The following PTPRD variants were observed in gnomAD, a reference collection of about 807,000 sequenced individuals.
PTPRD encodes the protein protein tyrosine phosphatase receptor type D.
A neutral mutation model predicts 214.5 loss-of-function variants in PTPRD; 34 were observed. That is an observed-to-expected ratio of 0.16 (90% CI 0.12 to 0.21). The LOEUF is 0.21. Among genes scored for constraint, PTPRD ranks in the 10% least tolerant of loss-of-function variants. The pLI is 1.00. For synonymous variants in PTPRD, 1,128 were observed against 845.7 expected (o/e 1.33, Z -5.79); for missense variants, 2,545 against 2,398.7 (o/e 1.06, Z -1.27).
intron 6 of PTPRD, among the ~76,000 whole-genome samples, chr9:9,758,139 T>G (rs1449026442): frequency 9.5e-6 from 1 of 104,978 alleles, no homozygotes; most frequent in African/African-American, 4.6e-5. Context: ...ATCTCAAGAG[T>G]AAAAATGGCA....
chr9:8,605,436 A>G (rs757963641), intron 14 of PTPRD, among the ~76,000 whole-genome samples: 10 of 152,162 alleles, frequency 6.6e-5, no homozygotes, highest in Non-Finnish European at 1.2e-4. Context: ...TTTTGAGATG[A>G]CCTGAAACCA....
At chr9:8,379,157 C>T (rs34335262) in intron 37 of PTPRD, among the ~76,000 whole-genome samples, 200 of 152,134 alleles carry the variant, frequency 1.3e-3, no homozygotes, top group Admixed American at 2.5e-3. Context: ...TTTTTTAAAG[C>T]GGATATGTCT....
intron 7 of PTPRD, among the ~76,000 whole-genome samples, chr9:9,636,765 C>T (rs2095784651): frequency 6.6e-6 from 1 of 152,194 alleles, no homozygotes; most frequent in Admixed American, 6.5e-5. Context: ...AATTATTTAA[C>T]ATTGTGTCAG....
At chr9:8,418,826 A>C (rs1182402701) in intron 35 of PTPRD, among the ~76,000 whole-genome samples, 2 of 152,070 alleles carry the variant, frequency 1.3e-5, no homozygotes, top group African/African-American at 2.4e-5. Flanking sequence ...GAACCATTCA[A>C]GTTGTACAAC....
intron 8 of PTPRD, among the ~76,000 whole-genome samples, chr9:9,499,693 C>T (rs911368182): frequency 3.9e-5 from 6 of 151,958 alleles, no homozygotes; most frequent in Admixed American, 1.3e-4. Context: ...ACAGTTAGGA[C>T]CTACTTTATT....
rs1157256084 is a variant in PTPRD at position 9,138,168 on chromosome 9, T to C, written c.-143+45136A>G. The stretch of plus-strand genomic sequence containing the variant: ...TTTTTTTTTTCTTCTGGAAACACTG[T>C]ACCTAAAAACTTCCCAAAATGTGAC... On this transcript the variant is annotated intron_variant, in intron 10 of 45. Coordinates refer to ENST00000381196, the MANE Select transcript of PTPRD (RefSeq NM_002839.4). 2.6e-5 allele frequency among the ~76,000 whole-genome samples: 4 copies of C among 152,072 alleles called. No homozygotes were observed. The East Asian group carries it at 7.7e-4, about 29-fold the overall frequency.
At chr9:9,673,473 A>G (rs1253883863) in intron 7 of PTPRD, among the ~76,000 whole-genome samples, 1 of 151,914 alleles carries the variant, frequency 6.6e-6, no homozygotes, top group African/African-American at 2.4e-5. Context: ...GAATGGTTAG[A>G]TTAATCCCAC....
At chr9:9,946,127 A>C (rs2092517246) in intron 4 of PTPRD, among the ~76,000 whole-genome samples, 2 of 131,046 alleles carry the variant, frequency 1.5e-5, no homozygotes, top group African/African-American at 6.3e-5. Context: ...TCTGCCATGC[A>C]TACTAAATCA....
At chr9:9,246,506 C>A (rs923667190) in intron 9 of PTPRD, among the ~76,000 whole-genome samples, 4 of 152,098 alleles carry the variant, frequency 2.6e-5, no homozygotes, top group Non-Finnish European at 5.9e-5. Flanking sequence ...TCCACTCCCA[C>A]AGAAAATGCA....
At chr9:10,606,339 C>G (rs1160022642) in intron 2 of PTPRD, among the ~76,000 whole-genome samples, 3 of 151,726 alleles carry the variant, frequency 2.0e-5, no homozygotes, top group East Asian at 1.9e-4. Context: ...TTCTCTACCC[C>G]CTCCATCCTT....
chr9:9,823,834 A>C (rs554730251), intron 5 of PTPRD, among the ~76,000 whole-genome samples: 6 of 152,202 alleles, frequency 3.9e-5, no homozygotes, highest in Admixed American at 1.3e-4. Flanking sequence ...ACCATAATGT[A>C]TTGTATATTT....
chr9:9,727,514 G>C (rs567905194), intron 7 of PTPRD, among the ~76,000 whole-genome samples: 1 of 152,138 alleles, frequency 6.6e-6, no homozygotes, highest in East Asian at 1.9e-4. Context: ...TCAGATGAGA[G>C]GCTAAAATAA....
At chr9:8,799,786 C>T (rs183737589) in intron 11 of PTPRD, among the ~76,000 whole-genome samples, 2 of 152,044 alleles carry the variant, frequency 1.3e-5, no homozygotes, top group South Asian at 2.1e-4. Context: ...TCTACCAATG[C>T]TCCAGAGAAA....
chr9:10,092,642 C>A (rs75403606), intron 3 of PTPRD, among the ~76,000 whole-genome samples: 2,369 of 151,388 alleles, frequency 0.016, 53 homozygotes, highest in African/African-American at 0.054. Context: ...GCCCAAATAG[C>A]CAAGTCAATC....
intron 10 of PTPRD, among the ~76,000 whole-genome samples, chr9:9,113,715 A>T (rs1030398879): frequency 3.9e-5 from 6 of 152,152 alleles, no homozygotes; most frequent in Non-Finnish European, 5.9e-5. Context: ...ATGCTACAAG[A>T]TTCTTACTAG....
chr9:8,971,509 G>T (rs2099238182), intron 11 of PTPRD, among the ~76,000 whole-genome samples: 1 of 151,622 alleles, frequency 6.6e-6, no homozygotes, highest in African/African-American at 2.4e-5. Flanking sequence ...CAAAGTTATT[G>T]TGAATATTAA....
chr9:9,097,628 T>C (rs1009710868), intron 10 of PTPRD, among the ~76,000 whole-genome samples: 2 of 151,934 alleles, frequency 1.3e-5, no homozygotes, highest in Admixed American at 1.3e-4. Context: ...GCCAGGATGG[T>C]CTCAATCTCT....
chr9:9,400,124 T>C (rs1357651385), intron 8 of PTPRD, among the ~76,000 whole-genome samples: 3 of 140,468 alleles, frequency 2.1e-5, no homozygotes, highest in Admixed American at 1.5e-4. Context: ...CTGGCACAGG[T>C]AGATGAGTAA....
intron 7 of PTPRD, among the ~76,000 whole-genome samples, chr9:9,652,541 T>C (rs547457668): frequency 3.3e-5 from 5 of 152,280 alleles, no homozygotes; most frequent in African/African-American, 1.2e-4. Context: ...AAGGGTCAGA[T>C]TGTGAAATCC....
Sources: gnomAD v4.1 joint callset for allele counts (sites outside exome capture counted in the v4.1 genomes callset) on GRCh38, gnomAD v4.1.1 for gene constraint, MANE v1.5 for transcripts, NCBI Gene and HGNC (gene_info 2026-07-23, HGNC 2026-07-21) for gene names.